TAFA5: variants seen among roughly 807,000 people sequenced by gnomAD.
TAFA5 encodes chemokine-like protein TAFA-5.
In TAFA5, 6 loss-of-function variants were observed where a neutral mutation model predicts 15.3. The observed-to-expected ratio is 0.39, with a 90% confidence interval of 0.21 to 0.77. TAFA5 has a LOEUF of 0.77. Ranked by LOEUF, TAFA5 falls within the 30% of genes least tolerant of loss-of-function variation. The pLI is 0.41. For synonymous variants in TAFA5, 103 were observed against 80.7 expected (o/e 1.28, Z -1.48); for missense variants, 161 against 193.1 (o/e 0.83, Z 0.98).
intron 2 of TAFA5, among the ~76,000 whole-genome samples, chr22:48,694,820 C>G (rs1249735117): frequency 2.6e-5 from 1 of 37,842 alleles, no homozygotes; most frequent in African/African-American, 7.7e-5. Context: ...CCACCCGCCG[C>G]CGCTCCGACC....
At chr22:48,664,509 T>C (rs935780648) in intron 2 of TAFA5, among the ~76,000 whole-genome samples, 1 of 152,246 alleles carries the variant, frequency 6.6e-6, no homozygotes, top group Non-Finnish European at 1.5e-5. Flanking sequence ...AGGTGACTAT[T>C]CTTTTTTAAA....
At chr22:48,527,048 G>C (rs1601848855) in intron 1 of TAFA5, among the ~76,000 whole-genome samples, 1 of 152,334 alleles carries the variant, frequency 6.6e-6, no homozygotes, top group East Asian at 1.9e-4. Flanking sequence ...TTGAAAGTCA[G>C]ATGTGTGCAT....
chr22:48,531,085 A>G (rs984771814), intron 1 of TAFA5, among the ~76,000 whole-genome samples: 1 of 152,060 alleles, frequency 6.6e-6, no homozygotes, highest in African/African-American at 2.4e-5. Flanking sequence ...TGGGGTAGCC[A>G]GGAGCCACCA....
chr22:48,721,022 G>A (rs927520581), intron 3 of TAFA5, among the ~76,000 whole-genome samples: 3 of 152,304 alleles, frequency 2.0e-5, no homozygotes, highest in Middle Eastern at 3.4e-3. Flanking sequence ...TCCTGAGGGC[G>A]CTAAGGCCAC....
chr22:48,542,470 A>ATGTGTGTGTGG (rs368497658), intron 1 of TAFA5, among the ~76,000 whole-genome samples: 5 of 36,332 alleles, frequency 1.4e-4, no homozygotes, highest in African/African-American at 3.8e-4. Flanking sequence ...TGTGTTGTGT[A>ATGTGTGTGTGG]TGTGTGTGTG....
intron 1 of TAFA5, among the ~76,000 whole-genome samples, chr22:48,509,702 A>C (rs1921138035): frequency 6.6e-6 from 1 of 152,218 alleles, no homozygotes; most frequent in African/African-American, 2.4e-5. Flanking sequence ...CTGTAATCCC[A>C]GCACTTTGGG....
chr22:48,611,623 G>C (rs568786531), intron 1 of TAFA5, among the ~76,000 whole-genome samples: 2 of 152,286 alleles, frequency 1.3e-5, no homozygotes, highest in Non-Finnish European at 2.9e-5. Context: ...GACCTTCAGA[G>C]ATGTCGCCCC....
intron 1 of TAFA5, among the ~76,000 whole-genome samples, chr22:48,542,664 GT>G (rs2147121194): frequency 7.1e-6 from 1 of 141,536 alleles, no homozygotes; most frequent in South Asian, 2.3e-4. Flanking sequence ...TGTGTGTGGT[GT>G]GTGTGTGATG....
intron 1 of TAFA5, among the ~76,000 whole-genome samples, chr22:48,571,082 C>T (rs941646435): frequency 2.6e-5 from 4 of 152,122 alleles, no homozygotes; most frequent in Non-Finnish European, 5.9e-5. Flanking sequence ...GTAAACTGAA[C>T]TTCTGAATCC....
intron 1 of TAFA5, among the ~76,000 whole-genome samples, chr22:48,584,336 TCACACACAC>T (rs1055862435): frequency 6.9e-5 from 8 of 115,952 alleles, no homozygotes; most frequent in Admixed American, 1.7e-4. Flanking sequence ...CACACAGATA[TCACACACAC>T]CACACACACC....
intron 3 of TAFA5, among the ~76,000 whole-genome samples, chr22:48,743,064 G>A (rs1249920478): frequency 1.3e-5 from 2 of 152,160 alleles, no homozygotes; most frequent in South Asian, 2.1e-4. Context: ...TCCGGGAGCC[G>A]CTGGAACAAA....
intron 3 of TAFA5, among the ~76,000 whole-genome samples, chr22:48,711,060 A>AC (rs1288381768): frequency 4.6e-5 from 7 of 151,902 alleles, no homozygotes; most frequent in African/African-American, 9.7e-5. Flanking sequence ...ACTGCAGGGG[A>AC]CCCCCCAAGC....
intron 1 of TAFA5, among the ~76,000 whole-genome samples, chr22:48,591,279 T>G (rs1329785738): frequency 1.3e-5 from 2 of 152,246 alleles, no homozygotes; most frequent in African/African-American, 4.8e-5. Context: ...GAGGAGAAGC[T>G]TCCCGGTTCC....
chr22:48,585,978 C>T (rs963963234), intron 1 of TAFA5, among the ~76,000 whole-genome samples: 7 of 152,252 alleles, frequency 4.6e-5, no homozygotes, highest in Admixed American at 2.0e-4. Context: ...CAGCTCACCC[C>T]GTGGGCCCAG....
At chr22:48,584,518 C>T (rs1311754376) in intron 1 of TAFA5, among the ~76,000 whole-genome samples, 4 of 140,530 alleles carry the variant, frequency 2.8e-5, no homozygotes, top group Non-Finnish European at 6.4e-5. Flanking sequence ...CACACACACA[C>T]ATACACACCA....
chr22:48,702,914 C>T (rs1053301763), intron 2 of TAFA5, among the ~76,000 whole-genome samples: 5 of 152,242 alleles, frequency 3.3e-5, no homozygotes, highest in Non-Finnish European at 7.3e-5. Flanking sequence ...GTTGTGTGCT[C>T]AGGGCCGGCC....
intron 2 of TAFA5, among the ~76,000 whole-genome samples, chr22:48,686,325 G>T (rs934265720): frequency 1.3e-5 from 2 of 152,314 alleles, no homozygotes; most frequent in South Asian, 2.1e-4. Context: ...TACGATCATG[G>T]TGCCAGTAGG....
chr22:48,502,411 T>TGAGCCTTCCC (rs112506032), intron 1 of TAFA5, among the ~76,000 whole-genome samples: 54,080 of 151,802 alleles, frequency 0.36, 12,507 homozygotes, highest in African/African-American at 0.65. Context: ...CTGGGGGAGC[T>TGAGCCTTCCC]GGGAGTACTT....
chr22:48,509,316 A>T (rs1330278004), intron 1 of TAFA5, among the ~76,000 whole-genome samples: 1 of 152,106 alleles, frequency 6.6e-6, no homozygotes, highest in Non-Finnish European at 1.5e-5. Flanking sequence ...TTTCCTTTGG[A>T]TAAATACCCA....
Sources: allele counts gnomAD v4.1 joint callset (sites outside exome capture counted in the v4.1 genomes callset), GRCh38; gene constraint gnomAD v4.1.1; transcripts MANE v1.5; gene names NCBI Gene and HGNC (gene_info 2026-07-23, HGNC 2026-07-21).